The following CSMD1 variants were observed in gnomAD, a reference collection of about 807,000 sequenced individuals.
The protein encoded by CSMD1 is CUB and Sushi multiple domains 1, also known as CUB and sushi domain-containing protein 1.
In CSMD1, 213 loss-of-function variants were observed where a neutral mutation model predicts 417.5. The observed-to-expected ratio is 0.51, with a 90% CI of 0.46 to 0.57. The LOEUF (loss-of-function observed/expected upper bound fraction) is 0.57. CSMD1 is among the 20% of genes least tolerant of loss of function. CSMD1 has a pLI of 0.00. For synonymous variants in CSMD1, 2,862 were observed against 1,736.8 expected, an observed-to-expected ratio of 1.65 and a Z score of -16.11; for missense variants, 6,923 against 4,529.7, an observed-to-expected ratio of 1.53 and a Z score of -15.17.
At position 4,104,113 on chromosome 8, in the gene CSMD1, C is replaced by T. The variant is rs190278735; in HGVS notation, c.416-72014G>A. Among the ~76,000 whole-genome samples, 4 of 152,350 alleles carry T rather than the reference C, an allele frequency of 2.6e-5. No individual in the cohort carries two copies. The East Asian group carries it at 5.8e-4, about 22-fold the overall frequency. On this transcript the variant is annotated intron_variant, in intron 3 of 69. Transcript: ENST00000635120. ...AAATGATCAAGATTGACCTGTCCCA[C>T]AGAAGCAGAGTGTTGATTCAGTCCC...
intron 7 of CSMD1, among the ~76,000 whole-genome samples, chr8:3,693,371 G>A (rs908667624): frequency 2.0e-5 from 3 of 152,210 alleles, no homozygotes; most frequent in Admixed American, 1.3e-4. Flanking sequence ...TAAAATCCGA[G>A]TAATGTGGAA....
At chr8:3,820,188 T>A (rs2129082132) in intron 5 of CSMD1, among the ~76,000 whole-genome samples, 1 of 152,182 alleles carries the variant, frequency 6.6e-6, no homozygotes, top group South Asian at 2.1e-4. Flanking sequence ...AAGTGCTGGG[T>A]GCTATATATA....
At chr8:4,929,374 A>G (rs2117182498) in intron 1 of CSMD1, among the ~76,000 whole-genome samples, 1 of 152,326 alleles carries the variant, frequency 6.6e-6, no homozygotes, top group South Asian at 2.1e-4. Flanking sequence ...AGCAAGGACT[A>G]CAATTATTAA....
chr8:3,882,988 A>G (rs76603113), intron 5 of CSMD1, among the ~76,000 whole-genome samples: 1 of 152,160 alleles, frequency 6.6e-6, no homozygotes, highest in Non-Finnish European at 1.5e-5. Context: ...TCAATAGCTG[A>G]TATGTGCACA....
chr8:4,793,628 C>T (rs1194516901), intron 1 of CSMD1, among the ~76,000 whole-genome samples: 3 of 151,922 alleles, frequency 2.0e-5, no homozygotes, highest in African/African-American at 4.8e-5. Flanking sequence ...AAAAAAAATA[C>T]AGCACTAATT....
chr8:4,589,024 G>A (rs998135238), intron 2 of CSMD1, among the ~76,000 whole-genome samples: 1 of 151,868 alleles, frequency 6.6e-6, no homozygotes, highest in Non-Finnish European at 1.5e-5. Flanking sequence ...ATTATACAAC[G>A]TGTACTACAT....
intron 12 of CSMD1, among the ~76,000 whole-genome samples, chr8:3,428,092 A>G (rs775493192): frequency 2.6e-5 from 4 of 152,236 alleles, no homozygotes; most frequent in Non-Finnish European, 5.9e-5. Flanking sequence ...AATAGCTATT[A>G]TTCTTACAGC....
chr8:4,355,879 A>G (rs1443154543), intron 3 of CSMD1, among the ~76,000 whole-genome samples: 1 of 152,208 alleles, frequency 6.6e-6, no homozygotes, highest in East Asian at 1.9e-4. Flanking sequence ...AGGCCTTGCC[A>G]TTTAAACAGC....
intron 1 of CSMD1, among the ~76,000 whole-genome samples, chr8:4,783,224 G>A (rs896891150): frequency 6.6e-6 from 1 of 152,126 alleles, no homozygotes; most frequent in African/African-American, 2.4e-5. Flanking sequence ...ATTGTATTTC[G>A]TGAAACATAT....
Position 4,672,971 on chromosome 8 carries a change from C to T in CSMD1, c.86-35413G>A, listed in dbSNP as rs1032974832. Among the ~76,000 whole-genome samples, 6 of 151,994 alleles carry T rather than the reference C, an allele frequency of 3.9e-5. No individual in the cohort carries two copies. In the East Asian group the frequency reaches 5.8e-4, roughly 15 times the overall value. ...ACACGGCACACATACATAACACACA[C>T]GTTTCCATAGTGGCATACACATATG... On this transcript the variant is annotated intron_variant, in intron 1 of 69. Coordinates refer to ENST00000635120, the MANE Select transcript of CSMD1 (RefSeq NM_033225.6).
intron 5 of CSMD1, among the ~76,000 whole-genome samples, chr8:3,851,079 A>G (rs1563144341): frequency 6.6e-6 from 1 of 152,216 alleles, no homozygotes; most frequent in African/African-American, 2.4e-5. Context: ...TTTCAAATCT[A>G]TTTAGGTATA....
intron 2 of CSMD1, among the ~76,000 whole-genome samples, chr8:4,625,904 G>C (rs1215279955): frequency 6.6e-6 from 1 of 151,906 alleles, no homozygotes; most frequent in African/African-American, 2.4e-5. Context: ...TTGTATTTTT[G>C]GTAGAGACGG....
At chr8:3,843,979 A>G (rs186254073) in intron 5 of CSMD1, among the ~76,000 whole-genome samples, 56 of 152,308 alleles carry the variant, frequency 3.7e-4, no homozygotes, top group African/African-American at 1.3e-3. Flanking sequence ...ATGTACTCAA[A>G]CGGCCAAATG....
Position 4,193,494 on chromosome 8 carries a change from G to T in CSMD1, c.416-161395C>A, listed in dbSNP as rs565916541. On this transcript the variant is annotated intron_variant, in intron 3 of 69. Transcript: ENST00000635120. ...AATGATGGACATTAGGGAAGGTGACGATGGCTTCAGTCTTGCTGATATTAC... is the reference window on the plus strand; with the variant it reads ...AATGATGGACATTAGGGAAGGTGACTATGGCTTCAGTCTTGCTGATATTAC... Among the ~76,000 whole-genome samples, 34 of 151,860 alleles carry T rather than the reference G, an allele frequency of 2.2e-4. 1 individual carries two copies. The highest frequency in any genetic ancestry group is 2.2e-3 in the Admixed American group (33 of 15,262).
intron 3 of CSMD1, among the ~76,000 whole-genome samples, chr8:4,068,253 G>T (rs1449471240): frequency 1.3e-5 from 2 of 152,130 alleles, no homozygotes; most frequent in African/African-American, 4.8e-5. Flanking sequence ...CCCCTCAAAG[G>T]TTGCCCTCCT....
intron 3 of CSMD1, among the ~76,000 whole-genome samples, chr8:4,395,182 T>G (rs764076773): frequency 6.6e-6 from 1 of 152,170 alleles, no homozygotes; most frequent in Non-Finnish European, 1.5e-5. Flanking sequence ...CCCCTCCTCT[T>G]TTAGCCAGAG....
At chr8:3,891,993 C>A (rs568871065) in intron 5 of CSMD1, among the ~76,000 whole-genome samples, 3 of 151,412 alleles carry the variant, frequency 2.0e-5, no homozygotes, top group Admixed American at 1.3e-4. Flanking sequence ...AATATTAGCA[C>A]ACGATACTAT....
At chr8:4,994,270 G>T (rs1811637718) in intron 1 of CSMD1, 62 bp downstream of exon 1, 4 of 1,491,676 alleles carry the variant, frequency 2.7e-6, no homozygotes, top group Non-Finnish European at 3.7e-6. Context: ...GCACACTCGC[G>T]TCCGCACACG....
At chr8:3,456,830 A>T (rs1816176930) in intron 12 of CSMD1, among the ~76,000 whole-genome samples, 1 of 152,056 alleles carries the variant, frequency 6.6e-6, no homozygotes, top group Non-Finnish European at 1.5e-5. Flanking sequence ...TTCAGAACAA[A>T]CTGGATGCAG....
Sources: gnomAD v4.1 joint callset for allele counts (sites outside exome capture counted in the v4.1 genomes callset) on GRCh38, gnomAD v4.1.1 for gene constraint, MANE v1.5 for transcripts, NCBI Gene and HGNC (gene_info 2026-07-23, HGNC 2026-07-21) for gene names.